BLACAT1: variants seen among roughly 807,000 people sequenced by gnomAD.
BLACAT1 encodes the protein bladder cancer associated transcript 1.
At chr1:205,439,028 A>G (rs1666252384), downstream of BLACAT1, among the ~76,000 whole-genome samples, 1 of 152,122 alleles carries the variant, frequency 6.6e-6, no homozygotes, top group Non-Finnish European at 1.5e-5. Flanking sequence ...CGGGGATACA[A>G]TTTCATCCTC....
chr1:205,445,096 T>C (rs1308808419), intron 1 of BLACAT1, among the ~76,000 whole-genome samples: 1 of 152,108 alleles, frequency 6.6e-6, no homozygotes. Context: ...GGAGACCGGA[T>C]TTGGGGGATT....
rs755437517 is a variant in BLACAT1 at position 205,450,720 on chromosome 1, A to G, written c.-37+5197T>C. Among the ~76,000 whole-genome samples the G allele has an allele frequency of 6.6e-6, 1 of 152,238 alleles. No homozygotes were observed. Among genetic ancestry groups the G allele is most frequent in the Non-Finnish European group, 1.5e-5 (1 of 68,014 alleles). ...GCCTACCAATCCCAGCCCACCTGAC[A>G]AGCCCCAAGTAAGCTGTGGAAGTAG... On this transcript the variant is annotated intron_variant, in intron 1 of 1. Transcript: ENST00000629624. The surrounding 1 kb of genome is among the most constrained non-coding windows in gnomAD (Gnocchi z 4.4).
chr1:205,435,609 C>T (rs1303981659), downstream of BLACAT1: 1 of 152,232 alleles, frequency 6.6e-6, no homozygotes, highest in Non-Finnish European at 1.5e-5. Context: ...ATTTAATTAT[C>T]TATCCCCTTT....
intron 1 of BLACAT1, among the ~76,000 whole-genome samples, chr1:205,451,052 G>A (rs1666491259): frequency 6.6e-6 from 1 of 152,174 alleles, no homozygotes; most frequent in African/African-American, 2.4e-5. Context: ...GGTGAGAACT[G>A]GGGCCCAGCA....
intron 1 of BLACAT1, among the ~76,000 whole-genome samples, chr1:205,444,691 G>A (rs1287285571): frequency 1.3e-5 from 2 of 152,162 alleles, no homozygotes; most frequent in African/African-American, 4.8e-5. Flanking sequence ...TAGGTGTCTC[G>A]AATTTTGGCA....
At position 205,444,935 on chromosome 1, in the gene BLACAT1, AAG is replaced by A. The variant is rs1371352538; in HGVS notation, c.-36-3875_-36-3874del. On this transcript the variant is annotated intron_variant, in intron 1 of 1. Coordinates refer to ENST00000629624, the Ensembl canonical transcript of BLACAT1. ...AAGGGCAAAAGAGAAGTGACCCAGT[AAG>A]GAGGGTGTGCCCTCGACGCCTCTAG... Among the ~76,000 whole-genome samples, 151 of 149,998 alleles carry A rather than the reference AAG, an allele frequency of 1.0e-3. 1 individual carries two copies. Among genetic ancestry groups the A allele is most frequent in the African/African-American group, 3.6e-3 (147 of 40,822 alleles).
downstream of BLACAT1, among the ~76,000 whole-genome samples, chr1:205,438,539 G>A (rs556557397): frequency 6.6e-6 from 1 of 152,362 alleles, no homozygotes; most frequent in East Asian, 1.9e-4. Context: ...TGCTTCCTGA[G>A]ATGCTAAAAG....
At chr1:205,437,088 G>A (rs1558742318), downstream of BLACAT1, 1 of 152,532 alleles carries the variant, frequency 6.6e-6, no homozygotes, top group Non-Finnish European at 1.5e-5. Context: ...CACATCTCCA[G>A]CCACTGGGCA....
At chr1:205,451,798 T>C (rs1195848588) in intron 1 of BLACAT1, among the ~76,000 whole-genome samples, 1 of 152,118 alleles carries the variant, frequency 6.6e-6, no homozygotes, top group Non-Finnish European at 1.5e-5. Flanking sequence ...CCCTTAATGA[T>C]CATCTTTCAG....
chr1:205,455,479 T>C (rs1666551241), intron 1 of BLACAT1, among the ~76,000 whole-genome samples: 1 of 152,138 alleles, frequency 6.6e-6, no homozygotes, highest in Non-Finnish European at 1.5e-5. Context: ...CACAAACCCC[T>C]GATCCCTAAC....
At position 205,448,329 on chromosome 1, in the gene BLACAT1, G is replaced by A. The variant is rs1409757929; in HGVS notation, c.-36-7267C>T. ...AGCTCGCCCCTCACTGTAGCCCATG[G>A]CTTTTAGCCCTACATGAGTTTGGGA... is the stretch of plus-strand genomic sequence containing the variant. On this transcript the variant is annotated intron_variant, in intron 1 of 1. Transcript: ENST00000629624. The surrounding 1 kb of genome is among the most constrained non-coding windows in gnomAD (Gnocchi z 4.7). 2 of 533,876 alleles carry A rather than the reference G, an allele frequency of 3.7e-6. 1 individual carries two copies. The highest frequency in any genetic ancestry group is 3.9e-5 in the Admixed American group (2 of 51,572). The allele number at this position is 533,876 out of a possible 1,614,324, so 33.1% of individuals were successfully genotyped here. A position where few individuals can be genotyped will look rare whatever the true frequency, so the allele number is the denominator to read the frequency against.
chr1:205,439,407 C>T (rs1047448544), downstream of BLACAT1, among the ~76,000 whole-genome samples: 30 of 152,242 alleles, frequency 2.0e-4, no homozygotes, highest in Admixed American at 9.8e-4. Context: ...ATAAAGACAA[C>T]CTGAATCCCA....
At chr1:205,455,149 C>T (rs1163659251) in intron 1 of BLACAT1, among the ~76,000 whole-genome samples, 3 of 152,152 alleles carry the variant, frequency 2.0e-5, no homozygotes, top group African/African-American at 7.2e-5. Flanking sequence ...CCCTACCCGG[C>T]CAGAGCTCCT....
intron 1 of BLACAT1, among the ~76,000 whole-genome samples, chr1:205,452,634 ACTC>A: frequency 6.6e-6 from 1 of 152,070 alleles, no homozygotes; most frequent in Non-Finnish European, 1.5e-5. Flanking sequence ...GGTCCCAACA[ACTC>A]CAAAATTTCA....
intron 1 of BLACAT1, among the ~76,000 whole-genome samples, chr1:205,446,984 G>A (rs556058697): frequency 6.6e-6 from 1 of 152,374 alleles, no homozygotes; most frequent in South Asian, 2.1e-4. Context: ...GACAAAGGGT[G>A]ATTGGAGTTG....
intron 1 of BLACAT1, among the ~76,000 whole-genome samples, chr1:205,445,321 T>C (rs1229843430): frequency 6.6e-6 from 1 of 152,162 alleles, no homozygotes; most frequent in Non-Finnish European, 1.5e-5. Context: ...GGGTGGGTGG[T>C]GGCACAAACT....
chr1:205,445,116 G>A lies in BLACAT1; in HGVS notation c.-36-4054C>T, dbSNP rs926168765. On this transcript the variant is annotated intron_variant, in intron 1 of 1. Coordinates refer to ENST00000629624, the Ensembl canonical transcript of BLACAT1. ...CCGGATTTGGGGGATTAGCTCGGGC[G>A]GTGGAGCAGACACACCAGGAGAAAG... 1.1e-4 allele frequency among the ~76,000 whole-genome samples: 16 copies of A among 152,264 alleles called. No homozygotes were observed. The East Asian group carries it at 1.2e-3, about 11-fold the overall frequency.
chr1:205,444,276 C>A (rs1294640498), intron 1 of BLACAT1, among the ~76,000 whole-genome samples: 2 of 152,162 alleles, frequency 1.3e-5, no homozygotes, highest in Admixed American at 6.5e-5. Flanking sequence ...CTGCATCTGA[C>A]TGCAAGCTGT....
chr1:205,452,804 C>T (rs908209669), intron 1 of BLACAT1, among the ~76,000 whole-genome samples: 5 of 152,216 alleles, frequency 3.3e-5, no homozygotes, highest in Admixed American at 6.5e-5. Flanking sequence ...GCTTTTACCA[C>T]CCCACATATA....
Sources: gnomAD v4.1 joint callset for allele counts (sites outside exome capture counted in the v4.1 genomes callset) on GRCh38, gnomAD v4.1.1 for gene constraint, Gnocchi (gnomAD v3.1) non-coding constraint, MANE v1.5 for transcripts, NCBI Gene and HGNC (gene_info 2026-07-23, HGNC 2026-07-21) for gene names.